PLCZ1: variants seen among roughly 807,000 people sequenced by gnomAD.
PLCZ1 encodes the protein 1-phosphatidylinositol 4,5-bisphosphate phosphodiesterase zeta-1.
In PLCZ1, 64 loss-of-function variants were observed where a neutral mutation model predicts 76.8. The observed-to-expected ratio is 0.83, with a 90% CI of 0.68 to 1.03. The LOEUF is 1.03. PLCZ1 is among the 50% of genes least tolerant of loss of function. PLCZ1 has a pLI of 0.00. For synonymous variants in PLCZ1, 248 were observed against 230.8 expected (o/e 1.07, Z -0.68); for missense variants, 751 against 713.7 (o/e 1.05, Z -0.60).
At chr12:18,656,639 G>C in the PLCZ1 span, among the ~76,000 whole-genome samples, 79 of 152,262 alleles carry the variant, frequency 5.2e-4, no homozygotes, top group Middle Eastern at 0.01. Context: ...GGGAAGCTCA[G>C]GTGGAAGGAT....
At chr12:18,659,663 C>CTTTTTTTTT in the PLCZ1 span, among the ~76,000 whole-genome samples, 5 of 133,816 alleles carry the variant, frequency 3.7e-5, no homozygotes, top group Non-Finnish European at 4.8e-5. Flanking sequence ...GTTCTCCATT[C>CTTTTTTTTT]TTTTTTTTTT....
intron 3 of PLCZ1, among the ~76,000 whole-genome samples, chr12:18,731,602 G>A (rs1959055568): frequency 6.8e-6 from 1 of 146,434 alleles, no homozygotes; most frequent in African/African-American, 2.5e-5. Flanking sequence ...GCTACATCAG[G>A]CCAATTGGTA....
chr12:18,728,881 T>C (rs1958896080), intron 3 of PLCZ1, among the ~76,000 whole-genome samples: 2 of 152,056 alleles, frequency 1.3e-5, no homozygotes, highest in African/African-American at 2.4e-5. Flanking sequence ...AAAGTTTACA[T>C]TGTGGAGGAC....
intron 9 of PLCZ1, among the ~76,000 whole-genome samples, chr12:18,701,214 A>T (rs1955864907): frequency 6.6e-6 from 1 of 152,034 alleles, no homozygotes; most frequent in African/African-American, 2.4e-5. Context: ...CAAACTCCTG[A>T]CTTCATGTGA....
At chr12:18,727,789 A>T (rs1297084535) in intron 3 of PLCZ1, among the ~76,000 whole-genome samples, 1 of 152,184 alleles carries the variant, frequency 6.6e-6, no homozygotes, top group Non-Finnish European at 1.5e-5. Context: ...AGATGTTGGG[A>T]TTTAAAACAA....
chr12:18,714,214 C>A (rs1431504019), intron 5 of PLCZ1, among the ~76,000 whole-genome samples: 1 of 152,072 alleles, frequency 6.6e-6, no homozygotes, highest in Non-Finnish European at 1.5e-5. Context: ...TAAGATAATT[C>A]TTTAAATTAT....
Position 18,689,658 on chromosome 12 carries a change from G to T in PLCZ1, c.1462-1440C>A, listed in dbSNP as rs376168352. On this transcript the variant is annotated intron_variant, in intron 12 of 14. Coordinates refer to ENST00000266505, the MANE Select transcript of PLCZ1 (RefSeq NM_033123.4). ...GGATATCAAACAATAAGCCCTCAGTGGTCAACTCTGTTGTTACCCATTGGC... is the reference window on the plus strand; with the variant it reads ...GGATATCAAACAATAAGCCCTCAGTTGTCAACTCTGTTGTTACCCATTGGC... Among the ~76,000 whole-genome samples the T allele has an allele frequency of 5.5e-4, 83 of 152,178 alleles. No individual in the cohort carries two copies. The South Asian group carries it at 0.017, about 30-fold the overall frequency.
intron 1 of PLCZ1, 45 bp from the exon 2 acceptor site, chr12:18,737,554 T>C: frequency 1.3e-6 from 1 of 780,384 alleles, no homozygotes; most frequent in African/African-American, 1.7e-5. Context: ...TTTGCCTTCG[T>C]TCTTTGAAGC....
the PLCZ1 span, among the ~76,000 whole-genome samples, chr12:18,672,716 C>T: frequency 6.6e-6 from 1 of 152,148 alleles, no homozygotes; most frequent in East Asian, 1.9e-4. Context: ...GGTGACCTCA[C>T]TGGGAGGAAA....
chr12:18,653,272 C>A, the PLCZ1 span, among the ~76,000 whole-genome samples: 5 of 152,024 alleles, frequency 3.3e-5, no homozygotes, highest in Non-Finnish European at 7.4e-5. Flanking sequence ...ATTACCCATG[C>A]CAAAAGTGAA....
chr12:18,701,637 TCCTCCTC>T, intron 8 of PLCZ1, 48 bp downstream of exon 8: 1 of 1,588,832 alleles, frequency 6.3e-7, no homozygotes. Flanking sequence ...CTCCTCCTCC[TCCTCCTC>T]CTCCTCCTCT....
chr12:18,733,269 A>G (rs1959152483), intron 3 of PLCZ1, among the ~76,000 whole-genome samples: 1 of 152,198 alleles, frequency 6.6e-6, no homozygotes, highest in Non-Finnish European at 1.5e-5. Context: ...AAATGTCTAT[A>G]CAATCCCTTT....
At chr12:18,657,639 A>T in the PLCZ1 span, among the ~76,000 whole-genome samples, 3 of 152,218 alleles carry the variant, frequency 2.0e-5, no homozygotes, top group Admixed American at 1.3e-4. Flanking sequence ...TACATACTTT[A>T]AAAAATCAGT....
At chr12:18,650,712 C>CTATATATATA in the PLCZ1 span, among the ~76,000 whole-genome samples, 5 of 14,602 alleles carry the variant, frequency 3.4e-4, no homozygotes, top group Non-Finnish European at 3.5e-4. Flanking sequence ...GTGTATATAT[C>CTATATATATA]TATATATATA....
chr12:18,649,206 G>T, the PLCZ1 span, among the ~76,000 whole-genome samples: 2,538 of 152,148 alleles, frequency 0.017, 35 homozygotes, highest in Middle Eastern at 0.034. Context: ...TGATGGCATT[G>T]TTTCCTACAT....
intron 6 of PLCZ1, among the ~76,000 whole-genome samples, chr12:18,709,778 T>C (rs1448212578): frequency 6.6e-6 from 1 of 152,124 alleles, no homozygotes; most frequent in African/African-American, 2.4e-5. Context: ...TATTATTTTA[T>C]ATCTTCTGAT....
In PLCZ1 at chr12:18,736,243, A is replaced by C. The variant is rs747701482; in HGVS notation, c.113T>G (p.Ile38Ser). ...TACCTTAAAAATCTGTTTCACATGA[A>C]TATAACTGCACCGAATATCTAATTT... ...LEKLDIRCSY[I>S]HVKQIFKDND... The change falls in exon 3 of 15, where the codon ATT (isoleucine) becomes AGT (serine). Residue 38 changes from isoleucine (I) to serine (S), a missense_variant. Ile to Ser is a moderately radical substitution (Grantham distance 142). Transcript: ENST00000266505. 1.6e-5 allele frequency: 25 copies of C among 1,612,800 alleles called. No homozygotes were observed. The highest frequency in any genetic ancestry group is 1.1e-4 in the South Asian group (10 of 91,054).
intron 4 of PLCZ1, among the ~76,000 whole-genome samples, chr12:18,722,191 C>T (rs1420869269): frequency 1.6e-5 from 2 of 122,296 alleles, no homozygotes; most frequent in African/African-American, 3.1e-5. Flanking sequence ...AACTAGGCCT[C>T]CCAGGTCATT....
chr12:18,713,662 A>G (rs1957606124), intron 5 of PLCZ1: 1 of 152,314 alleles, frequency 6.6e-6, no homozygotes, highest in East Asian at 1.9e-4. Flanking sequence ...GTTTATGCAA[A>G]GGAAGCCTGG....
Sources: gnomAD v4.1 joint callset for allele counts (sites outside exome capture counted in the v4.1 genomes callset) on GRCh38, gnomAD v4.1.1 for gene constraint, MANE v1.5 for transcripts, NCBI Gene and HGNC (gene_info 2026-07-23, HGNC 2026-07-21) for gene names.